The following ATP8A1 variants were observed in gnomAD, a reference collection of about 807,000 sequenced individuals.
ATP8A1 encodes phospholipid-transporting ATPase IA.
A neutral mutation model predicts 177.7 loss-of-function variants in ATP8A1; 90 were observed. The ratio of observed to expected loss-of-function variants is 0.51; its 90% confidence interval spans 0.43 to 0.60. The LOEUF (loss-of-function observed/expected upper bound fraction) is 0.60. Among genes scored for constraint, ATP8A1 ranks in the 20% least tolerant of loss-of-function variants. The pLI is 0.00. For missense variants in ATP8A1, 1,072 were observed against 1,392.8 expected, an observed-to-expected ratio of 0.77 and a Z score of 3.67; for synonymous variants, 493 against 485.9, an observed-to-expected ratio of 1.01 and a Z score of -0.19.
intron 24 of ATP8A1, among the ~76,000 whole-genome samples, chr4:42,499,919 A>G (rs531094738): frequency 1.3e-5 from 2 of 152,244 alleles, no homozygotes; most frequent in Non-Finnish European, 2.9e-5. Flanking sequence ...ACTAAACGAT[A>G]TAAAAGAGAT....
At chr4:42,620,761 A>G (rs1299065895) in intron 4 of ATP8A1, among the ~76,000 whole-genome samples, 3 of 152,214 alleles carry the variant, frequency 2.0e-5, no homozygotes, top group Non-Finnish European at 4.4e-5. Flanking sequence ...AAGGACATAG[A>G]GTAAGTACAA....
intron 33 of ATP8A1, among the ~76,000 whole-genome samples, chr4:42,439,798 T>C (rs1198507129): frequency 6.6e-6 from 1 of 152,112 alleles, no homozygotes; most frequent in African/African-American, 2.4e-5. Context: ...GGACTGAGGG[T>C]CCCTTTAGAC....
At chr4:42,414,960 G>T (rs1689249578) in intron 35 of ATP8A1, 1 of 475,906 alleles carries the variant, frequency 2.1e-6, no homozygotes, top group African/African-American at 2.0e-5. Flanking sequence ...CCAGTAAAAA[G>T]TAGGATCTCC....
chr4:42,486,020 C>T (rs1301278937), intron 24 of ATP8A1, among the ~76,000 whole-genome samples: 2 of 152,152 alleles, frequency 1.3e-5, no homozygotes, highest in African/African-American at 2.4e-5. Flanking sequence ...AGCACTTGAA[C>T]ATAAATTTAA....
intron 33 of ATP8A1, among the ~76,000 whole-genome samples, chr4:42,433,685 T>C (rs113895944): frequency 4.1e-4 from 62 of 152,078 alleles, no homozygotes; most frequent in African/African-American, 1.3e-3. Flanking sequence ...AATATGCAAA[T>C]TAGATACCAG....
At chr4:42,529,516 A>T (rs1272405606) in intron 20 of ATP8A1, among the ~76,000 whole-genome samples, 1 of 152,236 alleles carries the variant, frequency 6.6e-6, no homozygotes, top group Non-Finnish European at 1.5e-5. Flanking sequence ...ATACGTGATC[A>T]GGCTTGAGCA....
In ATP8A1 at chr4:42,412,919, C is replaced by G; in HGVS notation, c.3492G>C (p.Trp1164Cys). The G allele has an allele frequency of 6.2e-7, 1 of 1,613,244 alleles. No homozygotes were observed. Among genetic ancestry groups the G allele is most frequent in the Non-Finnish European group, 8.5e-7 (1 of 1,179,404 alleles). The change falls in exon 37 of 37, where the codon TGG becomes TGC. Residue 1164 changes from tryptophan to cysteine, a missense_variant. Transcript: ENST00000381668. Reference protein sequence around the residue: ...YDTTKQRPDEW With the variant: ...YDTTKQRPDEC ...CCTGCCTTTCAGGCTCTCCCCATCACCATTCGTCGGGCCTCTGTTTCGTGG... is the reference window on the plus strand; with the variant it reads ...CCTGCCTTTCAGGCTCTCCCCATCAGCATTCGTCGGGCCTCTGTTTCGTGG...
At chr4:42,444,429 C>A in intron 32 of ATP8A1, 149 bp downstream of exon 32, 1 of 701,306 alleles carries the variant, frequency 1.4e-6, no homozygotes, top group Non-Finnish European at 2.3e-6. Context: ...TTCTCCTTCC[C>A]CTACCCCTGA....
At chr4:42,577,560 T>A (rs1313360834) in intron 12 of ATP8A1, among the ~76,000 whole-genome samples, 1 of 152,156 alleles carries the variant, frequency 6.6e-6, no homozygotes, top group Non-Finnish European at 1.5e-5. Flanking sequence ...AAAAATTAAA[T>A]TTTCTGGCAG....
At chr4:42,615,450 TA>T (rs879716026) in intron 5 of ATP8A1, among the ~76,000 whole-genome samples, 2,888 of 146,514 alleles carry the variant, frequency 0.02, 72 homozygotes, top group African/African-American at 0.064. Context: ...TCCTGGGCAT[TA>T]AAAAAAAAAA....
At chr4:42,452,253 AAATGTTT>A (rs1718008878) in intron 29 of ATP8A1, among the ~76,000 whole-genome samples, 194 bp from the exon 30 acceptor site, 1 of 152,188 alleles carries the variant, frequency 6.6e-6, no homozygotes, top group African/African-American at 2.4e-5. Flanking sequence ...ATGTTTCTCA[AAATGTTT>A]TTTCAGCTTC....
chr4:42,606,600 G>A (rs1444231613), intron 5 of ATP8A1, among the ~76,000 whole-genome samples: 2 of 152,164 alleles, frequency 1.3e-5, no homozygotes, highest in African/African-American at 4.8e-5. Flanking sequence ...GTCTTAGGCA[G>A]TGTTCAGCAT....
intron 8 of ATP8A1, 94 bp downstream of exon 8, chr4:42,588,166 C>A (rs1332993269): frequency 1.7e-5 from 17 of 1,023,924 alleles, no homozygotes; most frequent in Non-Finnish European, 2.5e-5. Flanking sequence ...TGCAATAGGA[C>A]AGATTAGTTC....
chr4:42,427,987 C>G (rs1411430384), intron 33 of ATP8A1, among the ~76,000 whole-genome samples: 1 of 152,202 alleles, frequency 6.6e-6, no homozygotes, highest in Non-Finnish European at 1.5e-5. Flanking sequence ...CTAGTTAAAG[C>G]TAACAGGGCA....
At chr4:42,468,421 T>A (rs1006296665) in intron 25 of ATP8A1, among the ~76,000 whole-genome samples, 4 of 123,384 alleles carry the variant, frequency 3.2e-5, no homozygotes, top group African/African-American at 1.2e-4. Flanking sequence ...ACATATTTTA[T>A]ATATTTTATA....
At chr4:42,521,005 A>G (rs1158177306) in intron 22 of ATP8A1, among the ~76,000 whole-genome samples, 2 of 152,128 alleles carry the variant, frequency 1.3e-5, no homozygotes, top group African/African-American at 4.8e-5. Context: ...AGGGGACGTG[A>G]GGAGCAGAGG....
At chr4:42,550,789 G>C (rs1205182688) in intron 18 of ATP8A1, among the ~76,000 whole-genome samples, 1 of 152,094 alleles carries the variant, frequency 6.6e-6, no homozygotes, top group Non-Finnish European at 1.5e-5. Context: ...TTTTTCACAT[G>C]CTTATTGGCC....
At chr4:42,464,839 C>G in intron 26 of ATP8A1, 39 bp from the exon 27 acceptor site, 1 of 1,611,962 alleles carries the variant, frequency 6.2e-7, no homozygotes, top group Non-Finnish European at 8.5e-7. Context: ...TTTTCCTTTT[C>G]AAAGCATCAG....
intron 7 of ATP8A1, among the ~76,000 whole-genome samples, chr4:42,588,920 T>C (rs1293281158): frequency 6.6e-6 from 1 of 152,242 alleles, no homozygotes; most frequent in Non-Finnish European, 1.5e-5. Context: ...TTTCTCCCTC[T>C]ATGTTTTCCA....
Sources: allele counts gnomAD v4.1 joint callset (sites outside exome capture counted in the v4.1 genomes callset), GRCh38; gene constraint gnomAD v4.1.1; transcripts MANE v1.5; gene names NCBI Gene and HGNC (gene_info 2026-07-23, HGNC 2026-07-21).